Variants in PIK3CB observed in about 807,000 individuals in gnomAD.
The protein encoded by PIK3CB is phosphatidylinositol-4,5-bisphosphate 3-kinase catalytic subunit beta, also known as phosphatidylinositol 4,5-bisphosphate 3-kinase catalytic subunit beta isoform.
PIK3CB carries 39 observed loss-of-function variants against 136.8 expected under a neutral mutation model. The ratio of observed to expected loss-of-function variants is 0.29; its 90% confidence interval spans 0.22 to 0.37. The LOEUF is 0.37. PIK3CB is among the 10% of genes least tolerant of loss of function. The pLI is 1.00. For synonymous variants in PIK3CB, 428 were observed against 436.6 expected (o/e 0.98, Z 0.25); for missense variants, 868 against 1,275.4 (o/e 0.68, Z 4.87).
intron 1 of PIK3CB, among the ~76,000 whole-genome samples, chr3:138,816,383 CAA>C (rs1428232819): frequency 5.9e-5 from 9 of 151,986 alleles, no homozygotes; most frequent in African/African-American, 1.9e-4. Context: ...CACTTGAGGT[CAA>C]GAGTTTGAGA....
chr3:138,784,398 C>G (rs1249565344), intron 2 of PIK3CB, among the ~76,000 whole-genome samples: 1 of 151,874 alleles, frequency 6.6e-6, no homozygotes, highest in Admixed American at 6.6e-5. Flanking sequence ...CAAAAAAAGG[C>G]TCTCCCTCTC....
chr3:138,722,815 T>C (rs1440786922), intron 8 of PIK3CB, among the ~76,000 whole-genome samples: 2 of 152,052 alleles, frequency 1.3e-5, no homozygotes, highest in East Asian at 3.9e-4. Context: ...AGAATTAATC[T>C]AACTTGAGCA....
intron 1 of PIK3CB, among the ~76,000 whole-genome samples, chr3:138,811,794 G>GAA (rs576998037): frequency 2.5e-4 from 37 of 146,200 alleles, no homozygotes; most frequent in African/African-American, 8.5e-4. Context: ...TATGCTGACT[G>GAA]AAAAAAAAAA....
intron 14 of PIK3CB, among the ~76,000 whole-genome samples, chr3:138,693,956 TA>T (rs1408739653): frequency 5.6e-5 from 2 of 35,940 alleles, no homozygotes; most frequent in Non-Finnish European, 8.3e-5. Context: ...TATATATATA[TA>T]TATATATATT....
intron 21 of PIK3CB, among the ~76,000 whole-genome samples, chr3:138,660,389 T>C (rs1470662826): frequency 2.0e-5 from 3 of 152,226 alleles, no homozygotes; most frequent in African/African-American, 7.2e-5. Flanking sequence ...AAAGATACAA[T>C]ATATTTTTTT....
intron 6 of PIK3CB, 126 bp downstream of exon 6, chr3:138,737,581 G>T (rs1419026484): frequency 7.0e-6 from 2 of 285,660 alleles, no homozygotes; most frequent in Non-Finnish European, 1.2e-5. Context: ...ATTTAATACT[G>T]TATAATTTTC....
chr3:138,796,022 CTA>C (rs1244481555), intron 2 of PIK3CB, among the ~76,000 whole-genome samples: 1 of 152,134 alleles, frequency 6.6e-6, no homozygotes, highest in Admixed American at 6.6e-5. Flanking sequence ...CAATAACAGA[CTA>C]TCTTCAAACA....
At chr3:138,714,360 G>T in intron 9 of PIK3CB, 108 bp downstream of exon 9, 1 of 646,752 alleles carries the variant, frequency 1.5e-6, no homozygotes, top group Non-Finnish European at 2.5e-6. Context: ...CAGTTTTTAA[G>T]GATCAAAGTT....
chr3:138,798,135 C>A (rs1249240940), intron 1 of PIK3CB, among the ~76,000 whole-genome samples: 1 of 151,910 alleles, frequency 6.6e-6, no homozygotes, highest in Non-Finnish European at 1.5e-5. Context: ...TAGAAAGAAA[C>A]AAGAATCTGC....
intron 1 of PIK3CB, among the ~76,000 whole-genome samples, chr3:138,833,265 C>A (rs1553745471): frequency 6.6e-6 from 1 of 151,832 alleles, no homozygotes; most frequent in Non-Finnish European, 1.5e-5. Context: ...CGGGGTTTCA[C>A]CATGTTGCTT....
chr3:138,758,361 T>C (rs2045609954), intron 3 of PIK3CB, among the ~76,000 whole-genome samples: 2 of 152,192 alleles, frequency 1.3e-5, no homozygotes, highest in South Asian at 4.1e-4. Flanking sequence ...CACCTAAAAA[T>C]GTCTAAATAG....
chr3:138,733,210 T>C (rs1576367774), intron 8 of PIK3CB, 151 bp downstream of exon 8: 4 of 403,730 alleles, frequency 9.9e-6, no homozygotes, highest in Middle Eastern at 4.4e-4. Context: ...ACAAAAATTC[T>C]CAATAGTCTT....
chr3:138,818,180 G>C (rs6784610), intron 1 of PIK3CB, among the ~76,000 whole-genome samples: 63,633 of 151,878 alleles, frequency 0.42, 14,154 homozygotes, highest in Middle Eastern at 0.51. Context: ...AGTTTGACCA[G>C]AGAATAAAAT....
At chr3:138,734,912 C>T in intron 6 of PIK3CB, 108 bp from the exon 7 acceptor site, 1 of 604,426 alleles carries the variant, frequency 1.7e-6, no homozygotes, top group South Asian at 5.0e-5. Flanking sequence ...GAAAGTATGT[C>T]TTAAACCACA....
At chr3:138,741,583 C>T (rs1662210604) in intron 5 of PIK3CB, among the ~76,000 whole-genome samples, 1 of 152,160 alleles carries the variant, frequency 6.6e-6, no homozygotes, top group Admixed American at 6.5e-5. Flanking sequence ...AATCCCAGCA[C>T]TTTGGGAAGC....
Position 138,772,914 on chromosome 3 carries a change from T to A in PIK3CB, c.-16-13555A>T, listed in dbSNP as rs781108122. ...GATTCTCCTGCCTCAACCTCCCAAG[T>A]AGCTGGGACTACAGTTGCCTGCCAC... is the stretch of plus-strand genomic sequence containing the variant. On this transcript the variant is annotated intron_variant, in intron 2 of 23. Transcript: ENST00000674063. Among the ~76,000 whole-genome samples, 50 of 151,118 alleles carry A rather than the reference T, an allele frequency of 3.3e-4. 1 individual carries two copies. Among genetic ancestry groups the A allele is most frequent in the Non-Finnish European group, 4.6e-4 (31 of 67,854 alleles).
intron 2 of PIK3CB, among the ~76,000 whole-genome samples, chr3:138,786,764 T>G (rs2045985947): frequency 6.6e-6 from 1 of 152,226 alleles, no homozygotes; most frequent in African/African-American, 2.4e-5. Context: ...CTATTTAACA[T>G]GGTTTAAAAA....
At chr3:138,800,886 A>G (rs1343641885) in intron 1 of PIK3CB, among the ~76,000 whole-genome samples, 1 of 152,142 alleles carries the variant, frequency 6.6e-6, no homozygotes, top group Non-Finnish European at 1.5e-5. Context: ...TAGGCATCCC[A>G]AAGTACTGGG....
chr3:138,717,021 C>T (rs28376988), intron 8 of PIK3CB, among the ~76,000 whole-genome samples: 80,308 of 150,146 alleles, frequency 0.53, 22,671 homozygotes, highest in East Asian at 0.98. Flanking sequence ...TTTGGGAGGC[C>T]GAGGCAGGCG....
Sources: gnomAD v4.1 joint callset for allele counts (sites outside exome capture counted in the v4.1 genomes callset) on GRCh38, gnomAD v4.1.1 for gene constraint, MANE v1.5 for transcripts, NCBI Gene and HGNC (gene_info 2026-07-23, HGNC 2026-07-21) for gene names.